Variants in DCAF8L2 observed in about 807,000 individuals in gnomAD.
DCAF8L2 encodes the protein DDB1- and CUL4-associated factor 8-like protein 2.
For missense variants in DCAF8L2, 430 were observed against 490.7 expected, an observed-to-expected ratio of 0.88 and a Z score of 1.17; for synonymous variants, 200 against 190.9, an observed-to-expected ratio of 1.05 and a Z score of -0.39.
At chrX:27,616,502 AAG>A (rs766332545) in intron 1 of DCAF8L2, among the ~76,000 whole-genome samples, 1 of 111,828 alleles carries the variant, frequency 8.9e-6, no homozygotes, top group Admixed American at 9.6e-5. Context: ...ATATTCAAAA[AAG>A]AGCAATTCAA....
intron 1 of DCAF8L2, among the ~76,000 whole-genome samples, chrX:27,606,115 T>C (rs1347746003): frequency 1.9e-5 from 2 of 103,495 alleles, no homozygotes; most frequent in Non-Finnish European, 3.9e-5. Flanking sequence ...GAAGTACTGA[T>C]TGTCTTAAAA....
rs756887098 is a variant in DCAF8L2 at position 27,635,972 on chromosome X, C to T, written c.-220+3972C>T. On this transcript the variant is annotated intron_variant, in intron 2 of 4. Transcript: ENST00000451261. ...GATTACAGGCGCCTGCCACCACGCC[C>T]AGCTAATTTTTTGTATTTTTAGTAG... Among the ~76,000 whole-genome samples the T allele has an allele frequency of 2.5e-4, 27 of 109,868 alleles. 1 individual carries two copies. In the East Asian group the frequency reaches 7.2e-3, roughly 29 times the overall value.
intron 2 of DCAF8L2, chrX:27,633,377 A>C (rs184785408): frequency 1.8e-5 from 2 of 112,131 alleles, no homozygotes; most frequent in South Asian, 3.7e-4. Flanking sequence ...GAAATTGTAC[A>C]GCATAAAAGA....
At chrX:27,524,431 T>A in the DCAF8L2 span, among the ~76,000 whole-genome samples, 1 of 111,779 alleles carries the variant, frequency 8.9e-6, no homozygotes, top group East Asian at 2.8e-4. Context: ...TTCTTTTTTA[T>A]TAGTCTTTCT....
At chrX:27,616,782 A>G (rs1927501513) in intron 1 of DCAF8L2, among the ~76,000 whole-genome samples, 1 of 111,279 alleles carries the variant, frequency 9.0e-6, no homozygotes, top group African/African-American at 3.3e-5. Context: ...TCCTAGGGAA[A>G]ACGGATTGAA....
chrX:27,536,116 C>CT, the DCAF8L2 span, among the ~76,000 whole-genome samples: 2 of 112,075 alleles, frequency 1.8e-5, no homozygotes, highest in South Asian at 3.7e-4. Context: ...CCCAGATAGA[C>CT]TATTACCTTC....
chrX:27,701,822 A>T (rs1201624478), intron 3 of DCAF8L2, among the ~76,000 whole-genome samples: 4 of 110,737 alleles, frequency 3.6e-5, no homozygotes, highest in Admixed American at 1.9e-4. Context: ...GAGCAAACTA[A>T]ATCCAGATAA....
At chrX:27,666,749 A>G (rs908426851) in intron 2 of DCAF8L2, among the ~76,000 whole-genome samples, 6 of 112,217 alleles carry the variant, frequency 5.3e-5, no homozygotes, top group African/African-American at 1.6e-4. Flanking sequence ...TGTTTTCATC[A>G]TGTGCCATCT....
chrX:27,550,459 G>A, the DCAF8L2 span, among the ~76,000 whole-genome samples: 1 of 111,063 alleles, frequency 9.0e-6, no homozygotes, highest in East Asian at 2.8e-4. Context: ...AGCCTCCAAA[G>A]TGTTGGGATT....
At chrX:27,653,757 C>T (rs1046132428) in intron 2 of DCAF8L2, among the ~76,000 whole-genome samples, 33 of 107,933 alleles carry the variant, frequency 3.1e-4, no homozygotes, top group African/African-American at 1.1e-3. Context: ...CACACACACA[C>T]ACACAACATA....
At chrX:27,473,512 A>G in the DCAF8L2 span, among the ~76,000 whole-genome samples, 1 of 110,707 alleles carries the variant, frequency 9.0e-6, no homozygotes, top group Non-Finnish European at 1.9e-5. Flanking sequence ...TCAGAAAATG[A>G]GAGCTCACAT....
intron 3 of DCAF8L2, among the ~76,000 whole-genome samples, chrX:27,703,509 C>T (rs1198375179): frequency 9.0e-6 from 1 of 111,423 alleles, no homozygotes; most frequent in African/African-American, 3.3e-5. Flanking sequence ...ACTGAGAGCT[C>T]AGAAATAAAC....
At chrX:27,514,223 CTA>C in the DCAF8L2 span, among the ~76,000 whole-genome samples, 14 of 108,229 alleles carry the variant, frequency 1.3e-4, no homozygotes, top group Non-Finnish European at 1.7e-4. Context: ...TGCTATGTAC[CTA>C]TATGTGTGCA....
At chrX:27,505,514 T>C in the DCAF8L2 span, among the ~76,000 whole-genome samples, 3 of 112,112 alleles carry the variant, frequency 2.7e-5, no homozygotes, top group Non-Finnish European at 3.8e-5. Context: ...TTTCAATACA[T>C]AGATATATCA....
intron 1 of DCAF8L2, among the ~76,000 whole-genome samples, chrX:27,595,240 C>T (rs1009338403): frequency 8.1e-5 from 9 of 111,446 alleles, no homozygotes; most frequent in African/African-American, 2.6e-4. Context: ...CAATATAGGT[C>T]GCTCATTAGA....
chrX:27,660,595 A>C (rs1426167748), intron 2 of DCAF8L2, among the ~76,000 whole-genome samples: 2 of 111,417 alleles, frequency 1.8e-5, no homozygotes, highest in Non-Finnish European at 3.8e-5. Context: ...TTTTCTGGGG[A>C]TGGGCATGTC....
At chrX:27,696,930 A>G (rs1024537616) in intron 3 of DCAF8L2, among the ~76,000 whole-genome samples, 1 of 111,800 alleles carries the variant, frequency 8.9e-6, no homozygotes, top group African/African-American at 3.3e-5. Context: ...TATCCCCAAA[A>G]GGTTATTTAT....
chrX:27,599,654 A>G (rs1926545497), intron 1 of DCAF8L2, among the ~76,000 whole-genome samples: 1 of 111,077 alleles, frequency 9.0e-6, no homozygotes, highest in African/African-American at 3.3e-5. Context: ...ACAGGTTTTA[A>G]ATTTCATAGA....
the DCAF8L2 span, among the ~76,000 whole-genome samples, chrX:27,480,940 G>A: frequency 8.9e-5 from 10 of 111,964 alleles, no homozygotes; most frequent in African/African-American, 3.2e-4. Context: ...AGACAAACAA[G>A]AGAACATTTC....
Sources: allele counts gnomAD v4.1 joint callset (sites outside exome capture counted in the v4.1 genomes callset), GRCh38; gene constraint gnomAD v4.1.1; transcripts MANE v1.5; gene names NCBI Gene and HGNC (gene_info 2026-07-23, HGNC 2026-07-21).